Variants in ARHGAP32 observed in about 807,000 individuals in gnomAD.
ARHGAP32 encodes Rho GTPase activating protein 32, also known as rho GTPase-activating protein 32.
In ARHGAP32, 51 loss-of-function variants were observed where a neutral mutation model predicts 186.5. The observed-to-expected ratio is 0.27, with a 90% CI of 0.22 to 0.35. The LOEUF (loss-of-function observed/expected upper bound fraction) is 0.35. Among genes scored for constraint, ARHGAP32 ranks in the 10% least tolerant of loss-of-function variants. The pLI, the probability that ARHGAP32 is intolerant of heterozygous loss-of-function variation, is 1.00. For missense variants in ARHGAP32, 2,186 were observed against 2,623.5 expected, an observed-to-expected ratio of 0.83 and a Z score of 3.64; for synonymous variants, 950 against 964.3, an observed-to-expected ratio of 0.99 and a Z score of 0.27.
In ARHGAP32 at chr11:128,966,588, A is replaced by C. The variant is rs1945227126; in HGVS notation, c.*2319T>G. ...ATATTTCTAAACCCACAGGACATTT[A>C]TTAATAAAGAAATTGTTTCGAGGAA... On this transcript the variant is annotated 3_prime_UTR_variant, in exon 23 of 23. Coordinates refer to ENST00000682385, the MANE Select transcript of ARHGAP32 (RefSeq NM_001378024.1). 1 of 152,232 alleles carries C rather than the reference A, an allele frequency of 6.6e-6. No individual in the cohort carries two copies. Among genetic ancestry groups the C allele is most frequent in the Non-Finnish European group, 1.5e-5 (1 of 68,034 alleles). The allele number at this position is 152,232 out of a possible 1,614,324, so 9.4% of individuals were successfully genotyped here.
At chr11:129,215,482 C>T (rs1051682349) in intron 1 of ARHGAP32, among the ~76,000 whole-genome samples, 1 of 152,140 alleles carries the variant, frequency 6.6e-6, no homozygotes, top group African/African-American at 2.4e-5. Context: ...GTCAGAAGTC[C>T]AAAATCAGTC....
chr11:129,181,903 A>G (rs1357727425), intron 1 of ARHGAP32, among the ~76,000 whole-genome samples: 1 of 152,166 alleles, frequency 6.6e-6, no homozygotes, highest in African/African-American at 2.4e-5. Flanking sequence ...TCAATTTCCA[A>G]TAGAGTCTTC....
rs375327931 is a variant in ARHGAP32, at chr11:128,980,544, A to G, written c.1976+9T>C. The G allele has an allele frequency of 2.5e-5, 40 of 1,595,728 alleles. No homozygotes were observed. Among genetic ancestry groups the G allele is most frequent in the Non-Finnish European group, 3.4e-5 (40 of 1,170,412 alleles). Reference sequence around the variant, plus strand: ...ATCATATCCCAAAATAGGATTTAACAAATTTTACCTTTCAAGTGGGAACTC... The same window carrying G: ...ATCATATCCCAAAATAGGATTTAACGAATTTTACCTTTCAAGTGGGAACTC... On this transcript the variant is annotated intron_variant, in intron 18 of 22. Coordinates refer to ENST00000682385, the MANE Select transcript of ARHGAP32 (RefSeq NM_001378024.1).
chr11:129,026,353 G>C (rs12283448), intron 11 of ARHGAP32, among the ~76,000 whole-genome samples: 3,099 of 152,146 alleles, frequency 0.02, 53 homozygotes, highest in African/African-American at 0.045. Context: ...GTGTAGGAGA[G>C]GTCACTTGTT....
intron 11 of ARHGAP32, among the ~76,000 whole-genome samples, chr11:129,022,761 T>A (rs999609312): frequency 6.6e-6 from 1 of 152,160 alleles, no homozygotes; most frequent in African/African-American, 2.4e-5. Flanking sequence ...TTCCAGAACC[T>A]GGAATCTGGC....
Position 128,967,468 on chromosome 11 carries a change from G to C in ARHGAP32, c.*1439C>G, listed in dbSNP as rs1945246473. On this transcript the variant is annotated 3_prime_UTR_variant, in exon 23 of 23. Transcript: ENST00000682385. ...TGAAATGACAATCTAAACTCGTTTT[G>C]TAAACATAGGACTGCCTTGCTAGTC... is the stretch of plus-strand genomic sequence containing the variant. 6.6e-6 allele frequency: 1 copy of C among 152,188 alleles called. No individual in the cohort carries two copies. The highest frequency in any genetic ancestry group is 2.4e-5 in the African/African-American group (1 of 41,444). The allele number at this position is 152,188 out of a possible 1,614,324, so 9.4% of individuals were successfully genotyped here.
chr11:129,129,405 G>C (rs575244725), intron 2 of ARHGAP32, among the ~76,000 whole-genome samples: 70 of 149,454 alleles, frequency 4.7e-4, no homozygotes, highest in Non-Finnish European at 9.3e-4. Context: ...CGCCCAGTCC[G>C]GGAGGGAGGT....
intron 6 of ARHGAP32, 112 bp downstream of exon 6, chr11:129,093,509 T>A (rs1384234495): frequency 2.7e-6 from 2 of 731,234 alleles, no homozygotes; most frequent in Non-Finnish European, 4.7e-6. Flanking sequence ...TATATAAGTA[T>A]TTTTCTGTGG....
intron 11 of ARHGAP32, among the ~76,000 whole-genome samples, chr11:129,038,942 A>G (rs1388409391): frequency 6.6e-6 from 1 of 152,060 alleles, no homozygotes; most frequent in Non-Finnish European, 1.5e-5. Flanking sequence ...GGATATGAAT[A>G]GATACCCTCC....
intron 15 of ARHGAP32, among the ~76,000 whole-genome samples, 190 bp from the exon 16 acceptor site, chr11:128,982,126 C>T (rs192223495): frequency 7.9e-5 from 12 of 152,262 alleles, no homozygotes; most frequent in Admixed American, 2.0e-4. Flanking sequence ...TCCACCAAAG[C>T]TAGTTTCTGG....
At chr11:128,976,027 A>G (rs979810825) in intron 20 of ARHGAP32, among the ~76,000 whole-genome samples, 1 of 151,992 alleles carries the variant, frequency 6.6e-6, no homozygotes, top group Non-Finnish European at 1.5e-5. Context: ...CAGTGATCCA[A>G]GATTGCGCCA....
chr11:129,090,988 A>C (rs1267100468), intron 6 of ARHGAP32, among the ~76,000 whole-genome samples: 1 of 152,112 alleles, frequency 6.6e-6, no homozygotes, highest in Non-Finnish European at 1.5e-5. Flanking sequence ...TTGTTCTCTC[A>C]ACAGACACCT....
At chr11:129,043,600 C>T (rs1390682495) in intron 10 of ARHGAP32, among the ~76,000 whole-genome samples, 1 of 151,908 alleles carries the variant, frequency 6.6e-6, no homozygotes, top group Non-Finnish European at 1.5e-5. Flanking sequence ...GTTGGTCAGG[C>T]TGGTCGTGAA....
intron 11 of ARHGAP32, among the ~76,000 whole-genome samples, chr11:129,020,656 C>A (rs952326884): frequency 6.6e-6 from 1 of 152,040 alleles, no homozygotes; most frequent in Non-Finnish European, 1.5e-5. Flanking sequence ...AACTTATAAT[C>A]TATCAGGTTG....
rs563839820 is a variant in ARHGAP32 at position 129,257,644 on chromosome 11, G to C, written c.-5+21502C>G. Among the ~76,000 whole-genome samples, 23 of 136,100 alleles carry C rather than the reference G, an allele frequency of 1.7e-4. 1 individual carries two copies. The highest frequency in any genetic ancestry group is 8.9e-3 in the Middle Eastern group (2 of 224). The allele number at this position is 136,100 out of a possible 152,430, so 89.3% of individuals were successfully genotyped here. A position where few individuals can be genotyped will look rare whatever the true frequency, so the allele number is the denominator to read the frequency against. ...TAATTCATTAATTTTTAAAATTACA[G>C]AAAACATTGAATAAGTTTTCTAAAT... is the stretch of plus-strand genomic sequence containing the variant. On this transcript the variant is annotated intron_variant, in intron 1 of 6. Transcript: ENST00000525234.
chr11:129,134,346 T>C (rs997721335), intron 2 of ARHGAP32, among the ~76,000 whole-genome samples: 14 of 152,236 alleles, frequency 9.2e-5, no homozygotes, highest in Non-Finnish European at 1.5e-4. Context: ...GAAGGATGTA[T>C]GTACCACATC....
At chr11:129,037,367 GC>G (rs1426524284) in intron 11 of ARHGAP32, among the ~76,000 whole-genome samples, 1 of 152,008 alleles carries the variant, frequency 6.6e-6, no homozygotes, top group Non-Finnish European at 1.5e-5. Context: ...AGTGGCACAT[GC>G]CTGTAGTACT....
At chr11:129,168,692 T>C (rs1182254277) in intron 1 of ARHGAP32, among the ~76,000 whole-genome samples, 1 of 152,080 alleles carries the variant, frequency 6.6e-6, no homozygotes, top group Non-Finnish European at 1.5e-5. Flanking sequence ...ACCCAACAAC[T>C]ACAAAACTCA....
Position 128,970,469 on chromosome 11 carries a change from T to C in ARHGAP32, c.4744A>G (p.Thr1582Ala). ...GGTGGAATGTCTTCGGGGTAACAGGTATTCCTGACAGAGGAGCTCAAAGAA... is the reference window on the plus strand; with the variant it reads ...GGTGGAATGTCTTCGGGGTAACAGGCATTCCTGACAGAGGAGCTCAAAGAA... ...VSSLSSSVRNTCYPEDIPPYP... is the reference protein window; with the variant it reads ...VSSLSSSVRNACYPEDIPPYP... Residue 1582 changes from threonine to alanine, a missense_variant, in exon 23 of 23, where the codon ACC becomes GCC. Physicochemically the swap from Thr to Ala is moderately conservative, Grantham distance 58. Around this residue, in one of 5 missense-constraint regions of ARHGAP32, gnomAD observed 1,502 missense variants for 1,570.0 expected, o/e 0.96. Coordinates refer to ENST00000682385, the MANE Select transcript of ARHGAP32 (RefSeq NM_001378024.1). This position sits in a 1 kb window ranked among gnomAD's most constrained non-coding sequence, Gnocchi z 5.8. 6.2e-7 allele frequency: 1 copy of C among 1,614,082 alleles called. No individual in the cohort carries two copies. The highest frequency in any genetic ancestry group is 8.5e-7 in the Non-Finnish European group (1 of 1,180,010).
Sources: gnomAD v4.1 joint callset for allele counts (sites outside exome capture counted in the v4.1 genomes callset) on GRCh38, gnomAD v4.1.1 for gene constraint, gnomAD v4.1.1 regional missense constraint, Gnocchi (gnomAD v3.1) non-coding constraint, MANE v1.5 for transcripts, NCBI Gene and HGNC (gene_info 2026-07-23, HGNC 2026-07-21) for gene names.